WDPCP: variants seen among roughly 807,000 people sequenced by gnomAD.
WDPCP encodes WD repeat containing planar cell polarity effector, also known as WD repeat-containing and planar cell polarity effector protein fritz homolog.
A neutral mutation model predicts 93.1 loss-of-function variants in WDPCP; 71 were observed. The ratio of observed to expected loss-of-function variants is 0.76; its 90% CI spans 0.63 to 0.93. WDPCP has a LOEUF of 0.93. Among genes scored for constraint, WDPCP ranks in the 40% least tolerant of loss-of-function variants. The probability of loss-of-function intolerance (pLI) is 0.00; values close to 1 mark genes in which losing one functional copy is unlikely to be tolerated. For missense variants in WDPCP, 844 were observed against 887.4 expected, an observed-to-expected ratio of 0.95 and a Z score of 0.62; for synonymous variants, 315 against 315.0, an observed-to-expected ratio of 1.00 and a Z score of 0.00.
At chr2:63,510,846 G>A (rs879867250) in intron 1 of WDPCP, among the ~76,000 whole-genome samples, 10 of 152,006 alleles carry the variant, frequency 6.6e-5, no homozygotes, top group Non-Finnish European at 1.3e-4. Context: ...CGTGGTGGCG[G>A]GTGCCTGTAG....
intron 1 of WDPCP, among the ~76,000 whole-genome samples, chr2:63,575,505 A>ACAGTGTATG (rs1491111427): frequency 0.092 from 1,267 of 13,770 alleles, 404 homozygotes; most frequent in East Asian, 0.31. Context: ...TACAGTATAT[A>ACAGTGTATG]CACTGTATAT....
At chr2:63,346,640 G>C (rs7586871) in intron 12 of WDPCP, among the ~76,000 whole-genome samples, 2,779 of 152,266 alleles carry the variant, frequency 0.018, 80 homozygotes, top group African/African-American at 0.063. Context: ...CTCACTCTAT[G>C]AATGCATAGC....
intron 12 of WDPCP, among the ~76,000 whole-genome samples, chr2:63,375,407 A>C (rs1214677997): frequency 6.6e-6 from 1 of 151,930 alleles, no homozygotes; most frequent in Non-Finnish European, 1.5e-5. Context: ...ATCTCTTTAA[A>C]ATTTTATTAT....
intron 1 of WDPCP, among the ~76,000 whole-genome samples, chr2:63,565,059 A>AG (rs2106435946): frequency 6.6e-6 from 1 of 152,324 alleles, no homozygotes; most frequent in African/African-American, 2.4e-5. Context: ...TACAGGCGTG[A>AG]GTCATGGCAC....
intron 2 of WDPCP, among the ~76,000 whole-genome samples, chr2:63,685,085 A>C (rs1232251435): frequency 6.6e-6 from 1 of 152,188 alleles, no homozygotes; most frequent in Non-Finnish European, 1.5e-5. Flanking sequence ...AACCAAACTC[A>C]AAATTGTAGA....
chr2:63,131,476 TTCC>T (rs1005796778), intron 17 of WDPCP, among the ~76,000 whole-genome samples: 5 of 152,190 alleles, frequency 3.3e-5, no homozygotes, highest in Admixed American at 1.3e-4. Context: ...TCCTTTACAG[TTCC>T]TCCTTTTTTT....
intron 9 of WDPCP, among the ~76,000 whole-genome samples, chr2:63,430,399 G>A (rs1451796326): frequency 1.3e-5 from 2 of 152,096 alleles, no homozygotes; most frequent in Non-Finnish European, 2.9e-5. Flanking sequence ...AAAAGAAAGA[G>A]TATGTGGAAA....
chr2:63,554,165 TG>T lies in WDPCP; in HGVS notation c.75+34031del, dbSNP rs1380395875. 4.6e-5 allele frequency among the ~76,000 whole-genome samples: 7 copies of T among 152,222 alleles called. 1 individual carries two copies. The highest frequency in any genetic ancestry group is 1.0e-4 in the Non-Finnish European group (7 of 68,044). ...ATTTGGAACACTTCCTGCTGTCTCT[TG>T]ATTTTGACATTTCTGATGCATAAAG... is the stretch of plus-strand genomic sequence containing the variant. On this transcript the variant is annotated intron_variant, in intron 1 of 17. Coordinates refer to ENST00000272321, the MANE Select transcript of WDPCP (RefSeq NM_015910.7).
intron 3 of WDPCP, 71 bp downstream of exon 3, chr2:63,487,376 T>C: frequency 8.9e-7 from 1 of 1,121,432 alleles, no homozygotes; most frequent in Non-Finnish European, 1.3e-6. Flanking sequence ...AAGAGAGCTT[T>C]TAATGGTCAG....
intron 14 of WDPCP, among the ~76,000 whole-genome samples, chr2:63,212,511 A>T (rs967491902): frequency 1.3e-5 from 2 of 152,170 alleles, no homozygotes; most frequent in Non-Finnish European, 2.9e-5. Flanking sequence ...CACTGCAAAA[A>T]CATGCCAAAT....
intron 13 of WDPCP, among the ~76,000 whole-genome samples, chr2:63,270,572 A>T (rs369666628): frequency 2.0e-5 from 3 of 152,338 alleles, no homozygotes; most frequent in East Asian, 3.9e-4. Flanking sequence ...ATAATCACAT[A>T]TTGAATACAG....
chr2:63,605,957 GGT>G, intron 3 of WDPCP: 1 of 1,613,904 alleles, frequency 6.2e-7, no homozygotes, highest in Non-Finnish European at 8.5e-7. Context: ...TGTGTCCATG[GGT>G]GTTATCTCTG....
intron 10 of WDPCP, among the ~76,000 whole-genome samples, chr2:63,390,907 C>T (rs1353723354): frequency 1.3e-5 from 2 of 152,048 alleles, no homozygotes; most frequent in African/African-American, 4.8e-5. Flanking sequence ...AATAGCCTAC[C>T]AACCAAAAAG....
chr2:63,686,434 T>C (rs1158414185), intron 2 of WDPCP, among the ~76,000 whole-genome samples: 2 of 152,148 alleles, frequency 1.3e-5, no homozygotes, highest in East Asian at 1.9e-4. Context: ...ATTCTAGATA[T>C]TGAAGAGAAC....
intron 1 of WDPCP, among the ~76,000 whole-genome samples, chr2:63,550,678 T>C (rs1705543447): frequency 6.6e-6 from 1 of 151,574 alleles, no homozygotes; most frequent in African/African-American, 2.4e-5. Context: ...TCAAGCATTA[T>C]ATATATATAC....
intron 3 of WDPCP, chr2:63,643,530 T>A (rs1710009730): frequency 1.9e-5 from 8 of 417,312 alleles, no homozygotes; most frequent in South Asian, 1.6e-4. Context: ...TTGAACTTGA[T>A]AAAATCAGTA....
intron 14 of WDPCP, among the ~76,000 whole-genome samples, chr2:63,251,838 G>A (rs558376788): frequency 1.3e-5 from 2 of 151,878 alleles, no homozygotes; most frequent in South Asian, 4.2e-4. Context: ...TGGATTTGCA[G>A]CTGAATTATA....
intron 2 of WDPCP, among the ~76,000 whole-genome samples, chr2:63,489,176 G>A (rs184054243): frequency 5.7e-4 from 86 of 152,204 alleles, no homozygotes; most frequent in African/African-American, 2.0e-3. Context: ...CACAGAGATA[G>A]GGGATTGACT....
chr2:63,543,191 A>C (rs1307110240), intron 1 of WDPCP, among the ~76,000 whole-genome samples: 2 of 152,174 alleles, frequency 1.3e-5, no homozygotes, highest in East Asian at 3.8e-4. Flanking sequence ...AGTGAAGTAC[A>C]AAAATCAGTT....
Sources: allele counts gnomAD v4.1 joint callset (sites outside exome capture counted in the v4.1 genomes callset), GRCh38; gene constraint gnomAD v4.1.1; transcripts MANE v1.5; gene names NCBI Gene and HGNC (gene_info 2026-07-23, HGNC 2026-07-21).